The following TENM3 variants were observed in gnomAD, a reference collection of about 807,000 sequenced individuals.
TENM3 encodes teneurin transmembrane protein 3.
TENM3 carries 63 observed loss-of-function variants against 255.1 expected under a neutral mutation model. The observed-to-expected ratio is 0.25, with a 90% CI of 0.20 to 0.30. TENM3 has a LOEUF of 0.30. Ranked by LOEUF, TENM3 falls within the 10% of genes least tolerant of loss-of-function variation. TENM3 has a pLI of 1.00. For synonymous variants in TENM3, 1,306 were observed against 1,322.3 expected (o/e 0.99, Z 0.27); for missense variants, 2,929 against 3,461.1 (o/e 0.85, Z 3.86).
rs367896383 is a variant in TENM3 at position 182,231,944 on chromosome 4, G to C, written c.-76+87190G>C. On this transcript the variant is annotated intron_variant, in intron 1 of 2. Transcript: ENST00000512480. ...CTGAAATTAAGTTGGCTGGAGTCCTGCCTGGTTTGCATATTTTTTGTATGT... is the reference window on the plus strand; with the variant it reads ...CTGAAATTAAGTTGGCTGGAGTCCTCCCTGGTTTGCATATTTTTTGTATGT... Among the ~76,000 whole-genome samples the C allele has an allele frequency of 6.0e-4, 91 of 152,334 alleles. 1 individual carries two copies. Among genetic ancestry groups the C allele is most frequent in the African/African-American group, 2.1e-3 (89 of 41,580 alleles).
chr4:181,504,287 A>G, the TENM3 span, among the ~76,000 whole-genome samples: 1 of 152,198 alleles, frequency 6.6e-6, no homozygotes, highest in Non-Finnish European at 1.5e-5. Flanking sequence ...CGTAAGCCAC[A>G]GCTCACGCTT....
chr4:182,725,636 C>CTTTTTTTTTTTTTTTTTTTT (rs5864795), intron 13 of TENM3, among the ~76,000 whole-genome samples: 1 of 133,672 alleles, frequency 7.5e-6, no homozygotes, highest in Non-Finnish European at 1.5e-5. Context: ...TCTTTTTTTT[C>CTTTTTTTTTTTTTTTTTTTT]TTTTTTTTTT....
At chr4:181,986,094 A>C in the TENM3 span, among the ~76,000 whole-genome samples, 1 of 152,090 alleles carries the variant, frequency 6.6e-6, no homozygotes, top group African/African-American at 2.4e-5. Context: ...TTCCGTTTCT[A>C]TTAACTGCCT....
At chr4:182,100,552 CAT>C in the TENM3 span, among the ~76,000 whole-genome samples, 6 of 132,632 alleles carry the variant, frequency 4.5e-5, no homozygotes, top group African/African-American at 1.3e-4. Flanking sequence ...TATACACACA[CAT>C]ATATATACAC....
At chr4:181,782,187 A>G in the TENM3 span, among the ~76,000 whole-genome samples, 3 of 152,104 alleles carry the variant, frequency 2.0e-5, no homozygotes, top group African/African-American at 7.2e-5. Flanking sequence ...ATAGTTTCAG[A>G]AGGAATGGTA....
intron 1 of TENM3, among the ~76,000 whole-genome samples, chr4:182,268,853 TAA>T (rs1759424688): frequency 6.6e-6 from 1 of 152,118 alleles, no homozygotes; most frequent in Non-Finnish European, 1.5e-5. Context: ...TAAAAATGGG[TAA>T]ACAGCAGCCC....
chr4:181,844,045 C>A, the TENM3 span, among the ~76,000 whole-genome samples: 1 of 151,982 alleles, frequency 6.6e-6, no homozygotes, highest in African/African-American at 2.4e-5. Context: ...GCTGCCTCAT[C>A]CCCTGGTGGA....
chr4:181,819,827 C>G, the TENM3 span, among the ~76,000 whole-genome samples: 5 of 152,102 alleles, frequency 3.3e-5, no homozygotes, highest in African/African-American at 2.4e-5. Context: ...GATATGCAGC[C>G]CAGTAGGTAG....
At chr4:182,124,401 A>C in the TENM3 span, among the ~76,000 whole-genome samples, 1 of 152,234 alleles carries the variant, frequency 6.6e-6, no homozygotes, top group Non-Finnish European at 1.5e-5. Context: ...AGATAATTTC[A>C]TATGTGAATC....
chr4:181,807,007 A>G, the TENM3 span, among the ~76,000 whole-genome samples: 1 of 152,140 alleles, frequency 6.6e-6, no homozygotes, highest in Non-Finnish European at 1.5e-5. Flanking sequence ...CTTAACTTTC[A>G]TTCACCACAA....
At chr4:182,759,635 T>G (rs1202530848) in intron 22 of TENM3, among the ~76,000 whole-genome samples, 1 of 152,258 alleles carries the variant, frequency 6.6e-6, no homozygotes, top group Admixed American at 6.5e-5. Context: ...TTCTGAAATG[T>G]TGGTGTTAAA....
At chr4:182,779,665 A>G (rs1188309627) in intron 24 of TENM3, among the ~76,000 whole-genome samples, 2 of 151,996 alleles carry the variant, frequency 1.3e-5, no homozygotes, top group Non-Finnish European at 2.9e-5. Context: ...ACTAGTTTAC[A>G]GTCCCACCAA....
At chr4:182,756,342 C>A (rs1363780466) in intron 22 of TENM3, among the ~76,000 whole-genome samples, 1 of 151,978 alleles carries the variant, frequency 6.6e-6, no homozygotes, top group Non-Finnish European at 1.5e-5. Context: ...GAGTGGTGGC[C>A]CGGGCACTGT....
chr4:182,552,156 A>G (rs1162123375), intron 3 of TENM3, among the ~76,000 whole-genome samples: 1 of 152,118 alleles, frequency 6.6e-6, no homozygotes, highest in African/African-American at 2.4e-5. Flanking sequence ...ACTTAAAAAT[A>G]ATAACTTGCT....
chr4:182,777,559 T>G (rs1764787736), intron 24 of TENM3, among the ~76,000 whole-genome samples: 1 of 115,732 alleles, frequency 8.6e-6, no homozygotes, highest in African/African-American at 3.6e-5. Context: ...TTTTTTTTTT[T>G]TTTTTTTTTT....
intron 3 of TENM3, among the ~76,000 whole-genome samples, chr4:182,495,769 A>G (rs1735719569): frequency 6.6e-6 from 1 of 152,208 alleles, no homozygotes; most frequent in Non-Finnish European, 1.5e-5. Flanking sequence ...TCATTTTGAA[A>G]ACGGGATGTA....
At chr4:181,467,125 A>ATATTTTTTTTTT in the TENM3 span, among the ~76,000 whole-genome samples, 4 of 17,606 alleles carry the variant, frequency 2.3e-4, no homozygotes, top group African/African-American at 9.9e-4. Context: ...ATATATATAT[A>ATATTTTTTTTTT]TTTTTTTTTT....
At chr4:182,242,054 G>A (rs539306971), upstream of TENM3, among the ~76,000 whole-genome samples, 398 of 118,068 alleles carry the variant, frequency 3.4e-3, no homozygotes, top group Non-Finnish European at 5.1e-3. Flanking sequence ...TTAAGTTCTA[G>A]GGTACATGTG....
chr4:181,761,735 T>C, the TENM3 span, among the ~76,000 whole-genome samples: 1 of 152,170 alleles, frequency 6.6e-6, no homozygotes, highest in African/African-American at 2.4e-5. Context: ...TATCGAGTAT[T>C]CCTAAGTACT....
Sources: gnomAD v4.1 joint callset for allele counts (sites outside exome capture counted in the v4.1 genomes callset) on GRCh38, gnomAD v4.1.1 for gene constraint, MANE v1.5 for transcripts, NCBI Gene and HGNC (gene_info 2026-07-23, HGNC 2026-07-21) for gene names.